The following GPHN variants were observed in gnomAD, a reference collection of about 807,000 sequenced individuals.
The protein encoded by GPHN is gephyrin.
GPHN carries 17 observed loss-of-function variants against 95.5 expected under a neutral mutation model. That is an observed-to-expected ratio of 0.18 (90% CI 0.12 to 0.27). The LOEUF (loss-of-function observed/expected upper bound fraction) is 0.27, where lower values mean the gene tolerates loss of function less well. Ranked by LOEUF, GPHN falls within the 10% of genes least tolerant of loss-of-function variation. GPHN has a pLI of 1.00. For synonymous variants in GPHN, 320 were observed against 322.5 expected, an observed-to-expected ratio of 0.99 and a Z score of 0.08; for missense variants, 660 against 978.1, an observed-to-expected ratio of 0.67 and a Z score of 4.34.
chr14:66,683,891 G>A (rs993614145), intron 2 of GPHN, among the ~76,000 whole-genome samples: 1 of 151,448 alleles, frequency 6.6e-6, no homozygotes, highest in Admixed American at 6.6e-5. Context: ...GCAGGAGAAT[G>A]GCATGAACCC....
At chr14:66,635,827 T>C (rs1223804998) in intron 1 of GPHN, among the ~76,000 whole-genome samples, 1 of 152,132 alleles carries the variant, frequency 6.6e-6, no homozygotes, top group Non-Finnish European at 1.5e-5. Flanking sequence ...TCAGGCTGTT[T>C]ACTTACATTC....
chr14:67,671,383 A>G, the GPHN span, among the ~76,000 whole-genome samples: 46 of 152,120 alleles, frequency 3.0e-4, 1 homozygote, highest in African/African-American at 1.1e-3. Flanking sequence ...AAAATTGGCT[A>G]GGTGTGGTAG....
At chr14:66,812,862 T>C (rs1188452337) in intron 3 of GPHN, among the ~76,000 whole-genome samples, 1 of 152,222 alleles carries the variant, frequency 6.6e-6, no homozygotes, top group East Asian at 1.9e-4. Flanking sequence ...ATGTTGAAAT[T>C]ATATGTAGAA....
chr14:67,217,628 TC>T, the GPHN span, among the ~76,000 whole-genome samples: 1 of 152,218 alleles, frequency 6.6e-6, no homozygotes, highest in South Asian at 2.1e-4. Flanking sequence ...GTGGCTATCA[TC>T]TTTTCATTTC....
intron 1 of GPHN, among the ~76,000 whole-genome samples, chr14:66,675,977 C>T (rs954701166): frequency 6.6e-6 from 1 of 151,916 alleles, no homozygotes; most frequent in East Asian, 1.9e-4. Flanking sequence ...TGCAACTTTA[C>T]TGAATTTGTT....
At chr14:66,787,647 C>G (rs1489177410) in intron 3 of GPHN, among the ~76,000 whole-genome samples, 2 of 151,634 alleles carry the variant, frequency 1.3e-5, no homozygotes, top group African/African-American at 4.8e-5. Context: ...ATCAATGAAA[C>G]AGAATAGAGA....
the GPHN span, chr14:67,576,106 C>T: frequency 4.4e-6 from 4 of 913,042 alleles, no homozygotes; most frequent in East Asian, 1.0e-4. The surrounding 1 kb of genome is among the most constrained non-coding windows in gnomAD (Gnocchi z 4.0). Context: ...AATTTATTTC[C>T]TTTTGGACAC....
At chr14:67,366,979 A>G in the GPHN span, among the ~76,000 whole-genome samples, 14 of 152,242 alleles carry the variant, frequency 9.2e-5, no homozygotes, top group African/African-American at 2.2e-4. Context: ...GTAGACAACC[A>G]TAGTAGATGG....
At chr14:66,999,711 A>G (rs770216286) in intron 9 of GPHN, among the ~76,000 whole-genome samples, 5 of 151,872 alleles carry the variant, frequency 3.3e-5, no homozygotes, top group African/African-American at 4.8e-5. Context: ...TTGTTCCAGC[A>G]GTGTTGTAGC....
At chr14:66,808,901 G>C (rs1260856748) in intron 3 of GPHN, among the ~76,000 whole-genome samples, 1 of 152,330 alleles carries the variant, frequency 6.6e-6, no homozygotes, top group South Asian at 2.1e-4. Context: ...TGGAGAACAT[G>C]ATGGGAAGGA....
chr14:67,102,536 T>TGTAA (rs1462158422), intron 13 of GPHN, among the ~76,000 whole-genome samples: 1 of 151,942 alleles, frequency 6.6e-6, no homozygotes. Flanking sequence ...GGCACATGGC[T>TGTAA]GTAATCCCAG....
Position 66,786,733 on chromosome 14 carries a change from A to G in GPHN, c.201+10212A>G, listed in dbSNP as rs541412886. 1.6e-4 allele frequency among the ~76,000 whole-genome samples: 25 copies of G among 152,224 alleles called. No homozygotes were observed. In the South Asian group the frequency reaches 3.9e-3, roughly 24 times the overall value. On this transcript the variant is annotated intron_variant, in intron 3 of 22. Transcript: ENST00000478722. ...AAACTACTTCAGTAGTAGAAAAACAATAAATCTAATCTACCATGTCAACGA... is the reference window on the plus strand; with the variant it reads ...AAACTACTTCAGTAGTAGAAAAACAGTAAATCTAATCTACCATGTCAACGA...
chr14:67,534,945 T>C, the GPHN span, among the ~76,000 whole-genome samples: 2 of 152,202 alleles, frequency 1.3e-5, no homozygotes, highest in Admixed American at 6.5e-5. Flanking sequence ...TAGCAAAAGG[T>C]TGGAAACAAT....
At chr14:66,613,167 G>T (rs2062856172) in intron 1 of GPHN, among the ~76,000 whole-genome samples, 1 of 152,108 alleles carries the variant, frequency 6.6e-6, no homozygotes, top group Admixed American at 6.6e-5. Context: ...CAACATTTTT[G>T]TGAACTGATC....
the GPHN span, chr14:67,347,535 CT>C: frequency 8.1e-7 from 1 of 1,234,724 alleles, no homozygotes; most frequent in Non-Finnish European, 1.1e-6. Flanking sequence ...GAGTTTTGCT[CT>C]TGTCGCCGAG....
rs535698559 is a variant in GPHN at position 66,898,598 on chromosome 14, G to A, written c.390-17405G>A. On this transcript the variant is annotated intron_variant, in intron 5 of 22. Transcript: ENST00000478722. Reference sequence around the variant, plus strand: ...TTTCTCTGTTCTGTTCTATATGTCTGTCCCTCTGTCAGTACCACATAATCT... The same window carrying A: ...TTTCTCTGTTCTGTTCTATATGTCTATCCCTCTGTCAGTACCACATAATCT... Among the ~76,000 whole-genome samples, 10 of 149,936 alleles carry A rather than the reference G, an allele frequency of 6.7e-5. No homozygotes were observed. In the East Asian group the frequency reaches 1.8e-3, roughly 27 times the overall value.
chr14:67,328,437 A>G, the GPHN span, among the ~76,000 whole-genome samples: 535 of 152,202 alleles, frequency 3.5e-3, 4 homozygotes, highest in African/African-American at 0.012. Context: ...TAGGTTGCCT[A>G]TTCACTCTGA....
At chr14:66,795,096 A>T (rs2153473619) in intron 3 of GPHN, among the ~76,000 whole-genome samples, 1 of 152,264 alleles carries the variant, frequency 6.6e-6, no homozygotes, top group South Asian at 2.1e-4. Context: ...AATAAATAAA[A>T]TAAATAGATA....
At chr14:67,338,427 C>T in the GPHN span, 1 of 573,674 alleles carries the variant, frequency 1.7e-6, no homozygotes, top group African/African-American at 1.9e-5. Context: ...TTTTACAGAT[C>T]TCTTTCATCC....
Sources: allele counts gnomAD v4.1 joint callset (sites outside exome capture counted in the v4.1 genomes callset), GRCh38; gene constraint gnomAD v4.1.1; non-coding constraint Gnocchi (gnomAD v3.1); transcripts MANE v1.5; gene names NCBI Gene and HGNC (gene_info 2026-07-23, HGNC 2026-07-21).